RTL4: variants seen among roughly 807,000 people sequenced by gnomAD.
RTL4 encodes retrotransposon Gag-like protein 4.
In RTL4, 4 loss-of-function variants were observed where a neutral mutation model predicts 5.3. The ratio of observed to expected loss-of-function variants is 0.75; its 90% CI spans 0.37 to 1.72. RTL4 has a LOEUF of 1.72. Among genes scored for constraint, RTL4 ranks in the 40% most tolerant of loss-of-function variants. The probability of loss-of-function intolerance (pLI) is 0.04; values close to 1 mark genes in which losing one functional copy is unlikely to be tolerated. For missense variants in RTL4, 260 were observed against 227.1 expected, an observed-to-expected ratio of 1.14 and a Z score of -0.93; for synonymous variants, 98 against 87.3, an observed-to-expected ratio of 1.12 and a Z score of -0.68.
the RTL4 span, among the ~76,000 whole-genome samples, chrX:112,250,921 A>G: frequency 8.9e-6 from 1 of 112,293 alleles, no homozygotes; most frequent in East Asian, 2.8e-4. Context: ...TTAAAAACAT[A>G]AAAGGAATAC....
At chrX:112,198,749 C>T in the RTL4 span, among the ~76,000 whole-genome samples, 1 of 111,188 alleles carries the variant, frequency 9.0e-6, no homozygotes, top group African/African-American at 3.3e-5. Flanking sequence ...TGACTATGTG[C>T]CAAGGCCTTT....
At chrX:112,310,399 T>TGTA in the RTL4 span, among the ~76,000 whole-genome samples, 2 of 50,740 alleles carry the variant, frequency 3.9e-5, no homozygotes, top group African/African-American at 1.5e-4. Context: ...TATATATATA[T>TGTA]ATATATATAT....
At chrX:112,328,550 T>C in the RTL4 span, among the ~76,000 whole-genome samples, 1 of 111,077 alleles carries the variant, frequency 9.0e-6, no homozygotes, top group African/African-American at 3.3e-5. Flanking sequence ...CTCCCACACA[T>C]TAATAATGGG....
chrX:112,438,644 C>T, the RTL4 span, among the ~76,000 whole-genome samples: 53,768 of 111,194 alleles, frequency 0.48, 9,818 homozygotes, highest in African/African-American at 0.65. Flanking sequence ...CCAGTACTCC[C>T]TATACCTCAG....
At chrX:112,163,770 G>A in the RTL4 span, among the ~76,000 whole-genome samples, 7 of 111,870 alleles carry the variant, frequency 6.3e-5, no homozygotes, top group African/African-American at 1.3e-4. Flanking sequence ...GAGGAGGTTT[G>A]AATGAGATGA....
chrX:112,165,467 A>C, the RTL4 span, among the ~76,000 whole-genome samples: 1 of 111,007 alleles, frequency 9.0e-6, no homozygotes, highest in Admixed American at 9.6e-5. Context: ...TAGGTCCTTA[A>C]CAAATCCTGG....
chrX:112,277,207 A>G, the RTL4 span, among the ~76,000 whole-genome samples: 4 of 111,323 alleles, frequency 3.6e-5, no homozygotes, highest in African/African-American at 1.3e-4. Context: ...ATCTATGCAT[A>G]CTGAAGTCAG....
At chrX:112,456,649 G>T (rs1010466988) in exon 1 of RTL4, 1 of 247,431 alleles carries the variant, frequency 4.0e-6, no homozygotes, top group Admixed American at 6.8e-5. Flanking sequence ...GCCAGACCCT[G>T]CAGTAGTTTC....
chrX:112,232,272 G>A, the RTL4 span, among the ~76,000 whole-genome samples: 324 of 111,782 alleles, frequency 2.9e-3, no homozygotes, highest in African/African-American at 9.5e-3. Flanking sequence ...TAGGTGATAC[G>A]GGGCAAGTTA....
chrX:112,150,130 G>A, the RTL4 span, among the ~76,000 whole-genome samples: 2 of 111,423 alleles, frequency 1.8e-5, no homozygotes, highest in Non-Finnish European at 3.8e-5. Context: ...GATGGCAGAA[G>A]GTGAGGTCAG....
the RTL4 span, among the ~76,000 whole-genome samples, chrX:112,216,722 T>C: frequency 3.6e-5 from 4 of 112,012 alleles, no homozygotes; most frequent in African/African-American, 9.7e-5. Context: ...TAGAGAGACC[T>C]GGAATAGAAT....
the RTL4 span, among the ~76,000 whole-genome samples, chrX:112,434,539 C>A: frequency 8.9e-6 from 1 of 111,790 alleles, no homozygotes; most frequent in Non-Finnish European, 1.9e-5. Context: ...TTGTAGTATT[C>A]TCTGATGGTA....
At chrX:112,264,069 A>G in the RTL4 span, among the ~76,000 whole-genome samples, 1 of 111,654 alleles carries the variant, frequency 9.0e-6, no homozygotes, top group Non-Finnish European at 1.9e-5. Context: ...ATCCCTGGAC[A>G]GTGATGGAAG....
At chrX:112,304,361 C>A in the RTL4 span, among the ~76,000 whole-genome samples, 1 of 111,173 alleles carries the variant, frequency 9.0e-6, no homozygotes, top group Non-Finnish European at 1.9e-5. Flanking sequence ...ACTATCTTGT[C>A]CCCTAGGGTA....
the RTL4 span, among the ~76,000 whole-genome samples, chrX:112,220,817 A>G: frequency 8.9e-6 from 1 of 111,862 alleles, no homozygotes; most frequent in African/African-American, 3.3e-5. Context: ...AGATCGCCTC[A>G]GCCTAGACTT....
the RTL4 span, among the ~76,000 whole-genome samples, chrX:112,199,635 G>A: frequency 1.8e-5 from 2 of 111,403 alleles, no homozygotes; most frequent in African/African-American, 6.5e-5. Flanking sequence ...TTCAAGAAAG[G>A]ATTATTTGGT....
the RTL4 span, among the ~76,000 whole-genome samples, chrX:112,302,831 A>G: frequency 2.7e-5 from 3 of 112,680 alleles, no homozygotes; most frequent in Non-Finnish European, 5.6e-5. Flanking sequence ...TACTGCTACT[A>G]CTGCTATTTG....
At chrX:112,442,311 G>C in the RTL4 span, among the ~76,000 whole-genome samples, 2 of 108,818 alleles carry the variant, frequency 1.8e-5, no homozygotes, top group African/African-American at 6.7e-5. Context: ...CACAGTCTCG[G>C]CTCACTGCAA....
the RTL4 span, among the ~76,000 whole-genome samples, chrX:112,230,877 A>G: frequency 7.1e-5 from 8 of 112,091 alleles, no homozygotes; most frequent in Admixed American, 6.6e-4. Flanking sequence ...AAACAAATTT[A>G]CAAGAAAAAA....
Sources: allele counts gnomAD v4.1 joint callset (sites outside exome capture counted in the v4.1 genomes callset), GRCh38; gene constraint gnomAD v4.1.1; transcripts MANE v1.5; gene names NCBI Gene and HGNC (gene_info 2026-07-23, HGNC 2026-07-21).